PRKCB: variants seen among roughly 807,000 people sequenced by gnomAD.
PRKCB encodes the protein protein kinase C beta type.
Under a neutral mutation model 81.5 loss-of-function variants are expected in PRKCB, and 13 were observed. The observed-to-expected ratio is 0.16, with a 90% CI of 0.10 to 0.25. The LOEUF (loss-of-function observed/expected upper bound fraction) is 0.25, where lower values mean the gene tolerates loss of function less well. Among genes scored for constraint, PRKCB ranks in the 10% least tolerant of loss-of-function variants. The probability of loss-of-function intolerance (pLI) is 1.00; values close to 1 mark genes in which losing one functional copy is unlikely to be tolerated. For missense variants in PRKCB, 509 were observed against 875.7 expected, an observed-to-expected ratio of 0.58 and a Z score of 5.29; for synonymous variants, 335 against 321.4, an observed-to-expected ratio of 1.04 and a Z score of -0.45.
chr16:24,135,310 CTTT>C (rs33975464), intron 9 of PRKCB, among the ~76,000 whole-genome samples: 7 of 112,266 alleles, frequency 6.2e-5, no homozygotes, highest in African/African-American at 2.1e-4. Flanking sequence ...CTCAGTGTCC[CTTT>C]TTTTTTTTTT....
chr16:24,168,196 G>A (rs932294165), intron 10 of PRKCB, among the ~76,000 whole-genome samples: 1 of 152,160 alleles, frequency 6.6e-6, no homozygotes, highest in Non-Finnish European at 1.5e-5. Flanking sequence ...CTGTGGGCAA[G>A]TGAAAAATGT....
rs575609546 is a variant in PRKCB at position 24,039,805 on chromosome 16, C to A, written c.529+4258C>A. On this transcript the variant is annotated intron_variant, in intron 5 of 16. Transcript: ENST00000643927. ...AGGGTCCAACAGCATCTGGCACACT[C>A]AAGTTTCCCTTGGTCTCCTGACTGT... Among the ~76,000 whole-genome samples, 61 of 152,330 alleles carry A rather than the reference C, an allele frequency of 4.0e-4. 2 individuals are homozygous for A. In the South Asian group the frequency reaches 7.7e-3, roughly 19 times the overall value.
intron 16 of PRKCB, among the ~76,000 whole-genome samples, chr16:24,195,229 C>T (rs1967861326): frequency 6.6e-6 from 1 of 151,768 alleles, no homozygotes. Context: ...ACATCACCTA[C>T]CCATTTGATC....
At chr16:23,994,622 A>G (rs1449928253) in intron 3 of PRKCB, among the ~76,000 whole-genome samples, 1 of 152,230 alleles carries the variant, frequency 6.6e-6, no homozygotes, top group Non-Finnish European at 1.5e-5. Flanking sequence ...ATGAATCTAG[A>G]AGAATGTCAG....
At chr16:23,995,528 G>A (rs1460806270) in intron 3 of PRKCB, among the ~76,000 whole-genome samples, 1 of 152,078 alleles carries the variant, frequency 6.6e-6, no homozygotes, top group Admixed American at 6.5e-5. Context: ...GCCTGCTACC[G>A]GGCCTTCGTG....
In PRKCB at chr16:24,217,007, A is replaced by G. The variant is rs1216655866; in HGVS notation, c.*2191A>G. 4 of 985,388 alleles carry G rather than the reference A, an allele frequency of 4.1e-6. No individual in the cohort carries two copies. Among genetic ancestry groups the G allele is most frequent in the African/African-American group, 1.7e-5 (1 of 57,350 alleles). 61.0% of individuals were successfully genotyped at this position (985,388 alleles called of 1,614,324 possible). A position where few individuals can be genotyped will look rare whatever the true frequency, so the allele number is the denominator to read the frequency against. Reference sequence around the variant, plus strand: ...TTTGCTTGGACATGCTCTCAGGAAGATAAAAACCATGGAGAAACACTAGGC... The same window carrying G: ...TTTGCTTGGACATGCTCTCAGGAAGGTAAAAACCATGGAGAAACACTAGGC... On this transcript the variant is annotated 3_prime_UTR_variant, in exon 17 of 17. Transcript: ENST00000643927.
intron 9 of PRKCB, among the ~76,000 whole-genome samples, chr16:24,141,970 C>T (rs1049006669): frequency 6.6e-6 from 1 of 152,186 alleles, no homozygotes; most frequent in African/African-American, 2.4e-5. Context: ...GGAGTTAGAA[C>T]ATCCTTCTTA....
In PRKCB at chr16:23,950,143, T is replaced by G. The variant is rs747348333; in HGVS notation, c.206-38365T>G. Reference sequence around the variant, plus strand: ...CCCCTATGATTTGAATTTTTTTTTTTTTTTTTTTTTTTTTTCTGTTGATCC... The same window carrying G: ...CCCCTATGATTTGAATTTTTTTTTTGTTTTTTTTTTTTTTTCTGTTGATCC... On this transcript the variant is annotated intron_variant, in intron 2 of 16. Transcript: ENST00000643927. 5.8e-4 allele frequency among the ~76,000 whole-genome samples: 84 copies of G among 144,426 alleles called. 2 individuals are homozygous for G. The highest frequency in any genetic ancestry group is 1.6e-3 in the Admixed American group (23 of 14,632). The allele number at this position is 144,426 out of a possible 152,430, so 94.7% of individuals were successfully genotyped here. A position where few individuals can be genotyped will look rare whatever the true frequency, so the allele number is the denominator to read the frequency against.
At chr16:23,873,706 G>C (rs1962950384) in intron 2 of PRKCB, among the ~76,000 whole-genome samples, 1 of 152,188 alleles carries the variant, frequency 6.6e-6, no homozygotes, top group African/African-American at 2.4e-5. Context: ...AGATGCTATA[G>C]CTGGGCTCCA....
intron 2 of PRKCB, among the ~76,000 whole-genome samples, chr16:23,974,228 C>T (rs895325267): frequency 6.6e-6 from 1 of 152,064 alleles, no homozygotes; most frequent in Non-Finnish European, 1.5e-5. Flanking sequence ...AGAATGAGAA[C>T]TTGGCTTGGG....
At chr16:23,900,265 G>A (rs1254520255) in intron 2 of PRKCB, among the ~76,000 whole-genome samples, 3 of 152,298 alleles carry the variant, frequency 2.0e-5, no homozygotes, top group Admixed American at 6.5e-5. Context: ...CCATAAAGCC[G>A]AGAGATATCA....
chr16:24,162,597 C>T (rs1173065841), intron 10 of PRKCB, among the ~76,000 whole-genome samples: 6 of 151,806 alleles, frequency 4.0e-5, no homozygotes, highest in Admixed American at 1.3e-4. Flanking sequence ...CACAGGCATG[C>T]ACCACCAAGC....
intron 2 of PRKCB, among the ~76,000 whole-genome samples, chr16:23,915,689 C>CAAAAAAAA (rs71154259): frequency 0.027 from 1,496 of 54,512 alleles, 194 homozygotes; most frequent in Middle Eastern, 0.088. Context: ...GACTCTCTAT[C>CAAAAAAAA]AAAAAAAAAA....
intron 3 of PRKCB, among the ~76,000 whole-genome samples, chr16:24,023,163 C>T (rs1356192219): frequency 2.0e-5 from 3 of 152,052 alleles, no homozygotes; most frequent in South Asian, 2.1e-4. Context: ...TGGGCTCAAG[C>T]GATCTTCCCA....
intron 5 of PRKCB, among the ~76,000 whole-genome samples, chr16:24,038,202 A>G (rs1286162353): frequency 6.6e-6 from 1 of 151,946 alleles, no homozygotes; most frequent in Non-Finnish European, 1.5e-5. Flanking sequence ...AACAAGAAAA[A>G]CAAACAAACA....
At chr16:24,021,004 C>CT (rs1332490736) in intron 3 of PRKCB, among the ~76,000 whole-genome samples, 1 of 140,182 alleles carries the variant, frequency 7.1e-6, no homozygotes, top group East Asian at 2.2e-4. Context: ...TTCTTTCTTT[C>CT]TTTCTTTCTT....
At chr16:24,020,976 T>TTCTTTCTTTCTTTCTTTCTTTC (rs60783634) in intron 3 of PRKCB, among the ~76,000 whole-genome samples, 45 of 96,738 alleles carry the variant, frequency 4.7e-4, no homozygotes, top group East Asian at 2.0e-3. Flanking sequence ...AGACTTTTCT[T>TTCTTTCTTTCTTTCTTTCTTTC]TTTCTTTCTT....
intron 3 of PRKCB, among the ~76,000 whole-genome samples, chr16:23,999,480 G>A (rs1215817695): frequency 2.6e-5 from 4 of 152,198 alleles, no homozygotes; most frequent in African/African-American, 4.8e-5. Context: ...TAGCTACTGA[G>A]CCAACCATTC....
At chr16:23,927,935 G>A (rs1963918910) in intron 2 of PRKCB, among the ~76,000 whole-genome samples, 1 of 151,866 alleles carries the variant, frequency 6.6e-6, no homozygotes, top group Non-Finnish European at 1.5e-5. Flanking sequence ...GGCTCAGGGT[G>A]GAGATCTGAG....
Sources: gnomAD v4.1 joint callset for allele counts (sites outside exome capture counted in the v4.1 genomes callset) on GRCh38, gnomAD v4.1.1 for gene constraint, MANE v1.5 for transcripts, NCBI Gene and HGNC (gene_info 2026-07-23, HGNC 2026-07-21) for gene names.